Variants in TGFBR3 observed in about 807,000 individuals in gnomAD.
The protein encoded by TGFBR3 is transforming growth factor beta receptor type 3.
A neutral mutation model predicts 87.9 loss-of-function variants in TGFBR3; 46 were observed. The ratio of observed to expected loss-of-function variants is 0.52; its 90% CI spans 0.41 to 0.67. The LOEUF (loss-of-function observed/expected upper bound fraction) is 0.67, where lower values mean the gene tolerates loss of function less well. Ranked by LOEUF, TGFBR3 falls within the 30% of genes least tolerant of loss-of-function variation. TGFBR3 has a pLI of 0.00. For synonymous variants in TGFBR3, 381 were observed against 391.6 expected, an observed-to-expected ratio of 0.97 and a Z score of 0.32; for missense variants, 866 against 1,041.9, an observed-to-expected ratio of 0.83 and a Z score of 2.32.
rs1313126634 is a variant in TGFBR3 at position 91,716,380 on chromosome 1, A to C, written c.1722T>G (p.Leu574=). 1 of 1,614,174 alleles carries C rather than the reference A, an allele frequency of 6.2e-7. No homozygotes were observed. Among genetic ancestry groups the C allele is most frequent in the Admixed American group, 1.7e-5 (1 of 60,020 alleles). The change falls in exon 12 of 17, where the codon CTT becomes CTG. Residue 574 remains leucine, a synonymous_variant. Coordinates refer to ENST00000212355, the MANE Select transcript of TGFBR3 (RefSeq NM_003243.5). The stretch of plus-strand genomic sequence containing the variant: ...AGCTGCTGGGGTTCCTCACCTGCTG[A>C]AGGCTGCAATTAAACTGGAAATAAC... ...RPEIVVFNCS[L]QQVRNPSSFQ...
intron 2 of TGFBR3, among the ~76,000 whole-genome samples, chr1:91,831,082 G>A (rs1420700276): frequency 2.0e-5 from 3 of 152,142 alleles, no homozygotes; most frequent in Non-Finnish European, 4.4e-5. Context: ...CACAAGATCT[G>A]CTAGACCTCA....
chr1:91,800,978 G>A, intron 2 of TGFBR3: 1 of 216,842 alleles, frequency 4.6e-6, no homozygotes, highest in Non-Finnish European at 9.7e-6. Flanking sequence ...TAGTACTCAG[G>A]AGGCTGAGGC....
intron 7 of TGFBR3, among the ~76,000 whole-genome samples, chr1:91,723,161 T>C (rs1299769785): frequency 6.6e-6 from 1 of 152,188 alleles, no homozygotes; most frequent in Non-Finnish European, 1.5e-5. Flanking sequence ...ATCACTGTTT[T>C]ATCCAGTAAT....
upstream of TGFBR3, among the ~76,000 whole-genome samples, chr1:91,888,356 G>T (rs1412950153): frequency 6.6e-6 from 1 of 152,182 alleles, no homozygotes; most frequent in Non-Finnish European, 1.5e-5. Flanking sequence ...ACAAGTTTTA[G>T]TTTCAAGTAC....
At chr1:91,843,188 T>G (rs1339353028) in intron 2 of TGFBR3, among the ~76,000 whole-genome samples, 1 of 152,202 alleles carries the variant, frequency 6.6e-6, no homozygotes, top group Non-Finnish European at 1.5e-5. Flanking sequence ...AAAATTTGTA[T>G]GTTAAAATCC....
In TGFBR3 at chr1:91,720,136, G is replaced by A; in HGVS notation, c.1170C>T (p.Pro390=). The A allele has an allele frequency of 6.2e-7, 1 of 1,614,050 alleles. No individual in the cohort carries two copies. The highest frequency in any genetic ancestry group is 1.3e-5 in the African/African-American group (1 of 75,056). The change falls in exon 9 of 17, where the codon CCC becomes CCT. Residue 390 remains proline (P), a synonymous_variant. Transcript: ENST00000212355. ...CATTTTGGCCTTCCCCTCCCCGGATGGGCGGGTTCTGCAGGGCAGGCAGGG... is the reference window on the plus strand; with the variant it reads ...CATTTTGGCCTTCCCCTCCCCGGATAGGCGGGTTCTGCAGGGCAGGCAGGG... ...PGALPALQNP[P]IRGGEGQNGG...
At position 91,683,808 on chromosome 1, in the gene TGFBR3, T is replaced by G; in HGVS notation, c.2487A>C (p.Glu829Asp). Residue 829 changes from glutamate to aspartate, a missense_variant, in exon 17 of 17, where the codon GAA (glutamate) becomes GAC (aspartate). Transcript: ENST00000212355. Reference protein sequence around the residue: ...QQVPTSPPASENSSAAHSIGS... With the variant: ...QQVPTSPPASDNSSAAHSIGS... ...CGATGCTGTGGGCAGCACTGCTGTTTTCCGAGGCTGGCGGGGAGGTGGGGA... is the reference window on the plus strand; with the variant it reads ...CGATGCTGTGGGCAGCACTGCTGTTGTCCGAGGCTGGCGGGGAGGTGGGGA... The G allele has an allele frequency of 2.5e-6, 4 of 1,609,456 alleles. No individual in the cohort carries two copies. The highest frequency in any genetic ancestry group is 3.4e-6 in the Non-Finnish European group (4 of 1,178,396).
At position 91,716,652 on chromosome 1, in the gene TGFBR3, T is replaced by G; in HGVS notation, c.1623A>C (p.Glu541Asp). 1 of 1,614,100 alleles carries G rather than the reference T, an allele frequency of 6.2e-7. No individual in the cohort carries two copies. Among genetic ancestry groups the G allele is most frequent in the East Asian group, 2.2e-5 (1 of 44,880 alleles). ...ATCCATTATCACCTGACTCCAGATC[T>G]TCATAACCATCTGGCCAACCACTAC... ...GDSSGWPDGY[E>D]DLESGDNGFP... Residue 541 changes from glutamate to aspartate, a missense_variant, in exon 11 of 17, where the codon GAA (glutamate) becomes GAC (aspartate). Glu to Asp is a conservative substitution (Grantham distance 45). Transcript: ENST00000212355.
Position 91,719,540 on chromosome 1 carries a change from T to C in TGFBR3, c.1414-76A>G, listed in dbSNP as rs1672288415. On this transcript the variant is annotated intron_variant, in intron 9 of 16. Transcript: ENST00000212355. ...TTGTATAATTGACACAATTGACAAT[T>C]GCCTGGTCTTCCAAGGACAGGCGAT... 11 of 1,585,412 alleles carry C rather than the reference T, an allele frequency of 6.9e-6. No homozygotes were observed. The Middle Eastern group carries it at 8.7e-4, about 126-fold the overall frequency.
chr1:91,764,249 C>G (rs927547072), intron 3 of TGFBR3, among the ~76,000 whole-genome samples: 6 of 137,554 alleles, frequency 4.4e-5, no homozygotes, highest in Admixed American at 1.7e-4. Flanking sequence ...TCCCTTCCCC[C>G]CAACAAGGAC....
chr1:91,835,978 T>C lies in TGFBR3; in HGVS notation c.61+25493A>G, dbSNP rs192700463. ...GAGATAAAAATTCAGATGTCGGCCG[T>C]GGTTCATGCCCGTAATCCCAGCACT... On this transcript the variant is annotated intron_variant, in intron 2 of 16. Transcript: ENST00000212355. Among the ~76,000 whole-genome samples the C allele has an allele frequency of 5.9e-4, 90 of 151,978 alleles. 1 individual carries two copies. Among genetic ancestry groups the C allele is most frequent in the Admixed American group, 1.1e-3 (17 of 15,256 alleles).
At chr1:91,714,736 G>A (rs749314011) in intron 12 of TGFBR3, among the ~76,000 whole-genome samples, 4 of 152,172 alleles carry the variant, frequency 2.6e-5, no homozygotes, top group Non-Finnish European at 4.4e-5. Context: ...AATCCACAGC[G>A]CAATAGGGTG....
intron 2 of TGFBR3, among the ~76,000 whole-genome samples, chr1:91,827,528 G>A (rs1195815765): frequency 1.3e-5 from 2 of 152,108 alleles, no homozygotes; most frequent in Admixed American, 1.3e-4. Flanking sequence ...CTTCCTTTCC[G>A]TGATGTGACA....
intron 15 of TGFBR3, 52 bp from the exon 16 acceptor site, chr1:91,695,831 G>T: frequency 7.2e-7 from 1 of 1,398,026 alleles, no homozygotes; most frequent in Non-Finnish European, 1.0e-6. Flanking sequence ...TCTGCATCAT[G>T]CATTGCAATT....
At chr1:91,690,482 T>C (rs962422633) in intron 16 of TGFBR3, among the ~76,000 whole-genome samples, 4 of 152,148 alleles carry the variant, frequency 2.6e-5, no homozygotes, top group Admixed American at 6.5e-5. Flanking sequence ...TAAAGCCAGA[T>C]GGCCTTGCCT....
At chr1:91,705,929 A>G (rs1671786730) in intron 14 of TGFBR3, among the ~76,000 whole-genome samples, 1 of 152,228 alleles carries the variant, frequency 6.6e-6, no homozygotes, top group Non-Finnish European at 1.5e-5. Flanking sequence ...ACTAAGTTTA[A>G]ATAAAAGTAA....
At chr1:91,886,331 T>TC (rs1435086891), upstream of TGFBR3, 39 of 372,412 alleles carry the variant, frequency 1.0e-4, no homozygotes, top group Non-Finnish European at 2.0e-4. Context: ...TCCTCTCTCC[T>TC]CCCCCTTTGC....
chr1:91,688,789 T>C (rs903519318), intron 16 of TGFBR3, among the ~76,000 whole-genome samples: 1 of 152,050 alleles, frequency 6.6e-6, no homozygotes, highest in Admixed American at 6.5e-5. Flanking sequence ...GAGGTTTTCA[T>C]TAGAAGTAGC....
intron 3 of TGFBR3, among the ~76,000 whole-genome samples, chr1:91,778,946 T>C (rs6669336): frequency 0.032 from 4,858 of 152,214 alleles, 201 homozygotes; most frequent in African/African-American, 0.092. Flanking sequence ...AAGCAGGGAC[T>C]GGGTGAAGGC....
Sources: gnomAD v4.1 joint callset for allele counts (sites outside exome capture counted in the v4.1 genomes callset) on GRCh38, gnomAD v4.1.1 for gene constraint, MANE v1.5 for transcripts, NCBI Gene and HGNC (gene_info 2026-07-23, HGNC 2026-07-21) for gene names.